AKAP13: variants seen among roughly 807,000 people sequenced by gnomAD.
AKAP13 encodes A-kinase anchoring protein 13.
Under a neutral mutation model 264.5 loss-of-function variants are expected in AKAP13, and 80 were observed. That is an observed-to-expected ratio of 0.30 (90% CI 0.25 to 0.36). The LOEUF (loss-of-function observed/expected upper bound fraction) is 0.36. Ranked by LOEUF, AKAP13 falls within the 10% of genes least tolerant of loss-of-function variation. The pLI, the probability that AKAP13 is intolerant of heterozygous loss-of-function variation, is 1.00. For missense variants in AKAP13, 3,712 were observed against 3,435.2 expected (o/e 1.08, Z -2.01); for synonymous variants, 1,380 against 1,250.2 (o/e 1.10, Z -2.19).
intron 2 of AKAP13, among the ~76,000 whole-genome samples, chr15:85,493,919 G>C (rs963566098): frequency 6.6e-6 from 1 of 152,208 alleles, no homozygotes; most frequent in Non-Finnish European, 1.5e-5. Flanking sequence ...CAGAGACAAT[G>C]CCCCCTTAAA....
chr15:85,401,582 A>G (rs1205134074), intron 1 of AKAP13, among the ~76,000 whole-genome samples: 1 of 152,214 alleles, frequency 6.6e-6, no homozygotes, highest in Non-Finnish European at 1.5e-5. Context: ...ACTGTTTACC[A>G]AAGAAGCTAG....
chr15:85,494,059 C>A (rs1270539036), intron 2 of AKAP13, among the ~76,000 whole-genome samples: 2 of 152,154 alleles, frequency 1.3e-5, no homozygotes, highest in Admixed American at 1.3e-4. Flanking sequence ...AAGATACCTC[C>A]AAACCAGAAA....
chr15:85,653,039 G>A (rs567328456), intron 10 of AKAP13, among the ~76,000 whole-genome samples: 8 of 152,246 alleles, frequency 5.3e-5, no homozygotes, highest in Non-Finnish European at 7.4e-5. Context: ...TGAGAAAGCC[G>A]AGATATTCAC....
At chr15:85,569,626 T>C (rs1479844994) in intron 5 of AKAP13, among the ~76,000 whole-genome samples, 1 of 151,958 alleles carries the variant, frequency 6.6e-6, no homozygotes, top group Non-Finnish European at 1.5e-5. Context: ...CTAATTTTTG[T>C]ATTTTTGGTA....
At chr15:85,479,078 G>A (rs1012471449) in intron 1 of AKAP13, among the ~76,000 whole-genome samples, 2 of 152,224 alleles carry the variant, frequency 1.3e-5, no homozygotes, top group African/African-American at 4.8e-5. Context: ...GACTTCCTCA[G>A]TCCCTTATTC....
chr15:85,533,985 G>A, intron 4 of AKAP13, 105 bp downstream of exon 4: 1 of 1,239,638 alleles, frequency 8.1e-7, no homozygotes, highest in Non-Finnish European at 1.1e-6. Context: ...GTCTTCCACA[G>A]AGGCTGCGTA....
chr15:85,686,163 G>GTA (rs1334258468), intron 16 of AKAP13, among the ~76,000 whole-genome samples: 1 of 133,972 alleles, frequency 7.5e-6, no homozygotes, highest in African/African-American at 2.9e-5. Flanking sequence ...GTGTGTGTGT[G>GTA]TGTATGTGTG....
chr15:85,460,499 C>G (rs1035514902), intron 1 of AKAP13, among the ~76,000 whole-genome samples: 2 of 152,202 alleles, frequency 1.3e-5, no homozygotes, highest in Admixed American at 1.3e-4. Flanking sequence ...ATGATACTTT[C>G]TGTGGTAGAC....
At chr15:85,427,816 T>C (rs2072864584) in intron 1 of AKAP13, among the ~76,000 whole-genome samples, 2 of 152,222 alleles carry the variant, frequency 1.3e-5, no homozygotes, top group African/African-American at 4.8e-5. Flanking sequence ...GTGACATGGC[T>C]GTCAGAGTTG....
intron 26 of AKAP13, among the ~76,000 whole-genome samples, chr15:85,725,317 C>T (rs1435354174): frequency 6.6e-6 from 1 of 151,812 alleles, no homozygotes; most frequent in East Asian, 1.9e-4. Flanking sequence ...TTTCTCTGAT[C>T]CACTGACACT....
intron 8 of AKAP13, among the ~76,000 whole-genome samples, chr15:85,632,798 G>T (rs1469634539): frequency 1.3e-5 from 2 of 152,148 alleles, no homozygotes; most frequent in African/African-American, 4.8e-5. Flanking sequence ...GGCAAATAAT[G>T]TTCACTTTAC....
At chr15:85,585,520 C>A (rs550271273) in intron 7 of AKAP13, among the ~76,000 whole-genome samples, 182 bp from the exon 8 acceptor site, 3 of 152,248 alleles carry the variant, frequency 2.0e-5, no homozygotes, top group Middle Eastern at 3.4e-3. Flanking sequence ...AGTAACCATG[C>A]GATAAAGGAA....
intron 10 of AKAP13, among the ~76,000 whole-genome samples, chr15:85,652,129 A>G (rs1407029759): frequency 6.6e-6 from 1 of 152,242 alleles, no homozygotes; most frequent in Non-Finnish European, 1.5e-5. Flanking sequence ...TTAAAAGCAC[A>G]TATTAGGAAG....
At chr15:85,414,873 G>A (rs1481088160) in intron 1 of AKAP13, among the ~76,000 whole-genome samples, 1 of 152,206 alleles carries the variant, frequency 6.6e-6, no homozygotes, top group Non-Finnish European at 1.5e-5. Flanking sequence ...GACTAAAATG[G>A]TCTGGGAGGA....
chr15:85,601,562 G>GC (rs1304873170), intron 8 of AKAP13, among the ~76,000 whole-genome samples: 7 of 149,532 alleles, frequency 4.7e-5, no homozygotes, highest in African/African-American at 1.7e-4. Context: ...ACATTAAACT[G>GC]CCAATTTAGG....
At chr15:85,501,295 T>A (rs1460042989) in intron 2 of AKAP13, among the ~76,000 whole-genome samples, 1 of 152,228 alleles carries the variant, frequency 6.6e-6, no homozygotes, top group African/African-American at 2.4e-5. Context: ...ATTTTCCAGA[T>A]CCCTGTGAAA....
At chr15:85,664,459 A>C in intron 12 of AKAP13, 104 bp from the exon 13 acceptor site, 1 of 1,188,282 alleles carries the variant, frequency 8.4e-7, no homozygotes, top group Non-Finnish European at 1.2e-6. Flanking sequence ...GCTGACATAG[A>C]AATAATACAC....
At chr15:85,485,660 T>G in intron 1 of AKAP13, 50 bp from the exon 2 acceptor site, 1 of 1,563,190 alleles carries the variant, frequency 6.4e-7, no homozygotes, top group Non-Finnish European at 8.8e-7. Context: ...CTTATATATT[T>G]TCGGTGACAA....
chr15:85,423,525 G>T (rs907782952), intron 1 of AKAP13, among the ~76,000 whole-genome samples: 1 of 152,192 alleles, frequency 6.6e-6, no homozygotes, highest in African/African-American at 2.4e-5. Flanking sequence ...CATATCTTCA[G>T]GCTCCACTTC....
Sources: allele counts gnomAD v4.1 joint callset (sites outside exome capture counted in the v4.1 genomes callset), GRCh38; gene constraint gnomAD v4.1.1; transcripts MANE v1.5; gene names NCBI Gene and HGNC (gene_info 2026-07-23, HGNC 2026-07-21).